The following CSMD1 variants were observed in gnomAD, a reference collection of about 807,000 sequenced individuals.
CSMD1 encodes CUB and sushi domain-containing protein 1.
A neutral mutation model predicts 417.5 loss-of-function variants in CSMD1; 213 were observed. The ratio of observed to expected loss-of-function variants is 0.51; its 90% CI spans 0.46 to 0.57. CSMD1 has a LOEUF of 0.57. CSMD1 is among the 20% of genes least tolerant of loss of function. The pLI is 0.00. For synonymous variants in CSMD1, 2,862 were observed against 1,736.8 expected (o/e 1.65, Z -16.11); for missense variants, 6,923 against 4,529.7 (o/e 1.53, Z -15.17).
intron 37 of CSMD1, among the ~76,000 whole-genome samples, chr8:3,162,756 C>A (rs1819978443): frequency 6.6e-6 from 1 of 151,660 alleles, no homozygotes; most frequent in Non-Finnish European, 1.5e-5. Flanking sequence ...CATTCAATCT[C>A]TCTCTCTCTT....
At chr8:4,108,873 T>C (rs11988265) in intron 3 of CSMD1, among the ~76,000 whole-genome samples, 5 of 152,196 alleles carry the variant, frequency 3.3e-5, no homozygotes, top group African/African-American at 1.2e-4. Context: ...TGCAAGAATT[T>C]GTCACTTTAG....
At chr8:4,697,542 G>C (rs1034724289) in intron 1 of CSMD1, among the ~76,000 whole-genome samples, 1 of 152,074 alleles carries the variant, frequency 6.6e-6, no homozygotes, top group Admixed American at 6.6e-5. Flanking sequence ...CTCAATTGGG[G>C]AATGTCGACG....
intron 1 of CSMD1, among the ~76,000 whole-genome samples, chr8:4,975,085 A>C (rs1285175745): frequency 1.3e-5 from 2 of 152,122 alleles, no homozygotes; most frequent in African/African-American, 4.8e-5. Context: ...TGCAATAAAC[A>C]TTTATCTACC....
chr8:4,213,692 G>C (rs10099864), intron 3 of CSMD1, among the ~76,000 whole-genome samples: 28,226 of 152,234 alleles, frequency 0.19, 2,706 homozygotes, highest in Non-Finnish European at 0.19. Flanking sequence ...GCCCTCCCTG[G>C]TGGGAAGCCG....
intron 2 of CSMD1, among the ~76,000 whole-genome samples, chr8:4,541,466 C>G (rs1328446359): frequency 6.6e-6 from 1 of 152,138 alleles, no homozygotes; most frequent in Non-Finnish European, 1.5e-5. Flanking sequence ...TATCAAAAAT[C>G]GGTAGGCGTC....
At chr8:3,081,540 G>T (rs1179816797) in intron 49 of CSMD1, among the ~76,000 whole-genome samples, 1 of 152,056 alleles carries the variant, frequency 6.6e-6, no homozygotes, top group Non-Finnish European at 1.5e-5. Flanking sequence ...TAAGTTGGAC[G>T]TGGAAGTCTT....
In CSMD1 at chr8:4,772,478, G is replaced by A. The variant is rs961802123; in HGVS notation, c.86-134920C>T. On this transcript the variant is annotated intron_variant, in intron 1 of 69. Coordinates refer to ENST00000635120, the MANE Select transcript of CSMD1 (RefSeq NM_033225.6). ...ATATCATGAGCGTCATCCGGTCATG[G>A]AGCAAAACATAATATAACATTCACA... Among the ~76,000 whole-genome samples, 5 of 152,238 alleles carry A rather than the reference G, an allele frequency of 3.3e-5. 1 individual carries two copies. Among genetic ancestry groups the A allele is most frequent in the Admixed American group, 3.3e-4 (5 of 15,286 alleles).
At chr8:3,964,425 G>A (rs929809190) in intron 5 of CSMD1, among the ~76,000 whole-genome samples, 3 of 151,990 alleles carry the variant, frequency 2.0e-5, no homozygotes, top group African/African-American at 4.8e-5. Context: ...TTTTGACTGA[G>A]GCCTTAATCA....
At position 2,966,740 on chromosome 8, in the gene CSMD1, G is replaced by T; in HGVS notation, c.8930C>A (p.Ser2977Tyr). The T allele has an allele frequency of 6.2e-7, 1 of 1,613,122 alleles. No individual in the cohort carries two copies. Among genetic ancestry groups the T allele is most frequent in the Non-Finnish European group, 8.5e-7 (1 of 1,179,570 alleles). The change falls in exon 58 of 70, where the codon TCC becomes TAC. Residue 2977 changes from serine to tyrosine, a missense_variant. Coordinates refer to ENST00000635120, the MANE Select transcript of CSMD1 (RefSeq NM_033225.6). ...GGTGGGTGTGCCAGGGTTGCCACAG[G>T]ACACGGCTGTTAGGCAAACAAGAAC... ...SGLQPVCEAV[S>Y]CGNPGTPTNG... is the part of the protein sequence containing the mutation.
intron 1 of CSMD1, among the ~76,000 whole-genome samples, chr8:4,926,669 C>G (rs948631132): frequency 6.6e-6 from 1 of 152,092 alleles, no homozygotes; most frequent in South Asian, 2.1e-4. Flanking sequence ...GACCAGTATT[C>G]TTCTGGGCTT....
At chr8:4,078,901 AT>A (rs1799975074) in intron 3 of CSMD1, among the ~76,000 whole-genome samples, 15 of 18,324 alleles carry the variant, frequency 8.2e-4, no homozygotes, top group East Asian at 3.1e-3. Context: ...TAATAAATAT[AT>A]ATATATATAT....
intron 1 of CSMD1, among the ~76,000 whole-genome samples, chr8:4,710,030 G>A (rs1332822364): frequency 6.6e-6 from 1 of 152,064 alleles, no homozygotes; most frequent in African/African-American, 2.4e-5. Flanking sequence ...GTTCAAATAG[G>A]CCACTAAGCT....
chr8:3,196,486 C>T (rs1185520933), intron 33 of CSMD1, among the ~76,000 whole-genome samples: 1 of 152,154 alleles, frequency 6.6e-6, no homozygotes, highest in African/African-American at 2.4e-5. Context: ...ATCCAAGAAC[C>T]TCTCTTGGGG....
At chr8:4,271,258 C>A (rs1196437736) in intron 3 of CSMD1, among the ~76,000 whole-genome samples, 1 of 152,104 alleles carries the variant, frequency 6.6e-6, no homozygotes, top group East Asian at 1.9e-4. Flanking sequence ...CACTCAGGAC[C>A]ATGAAGCTGT....
intron 1 of CSMD1, among the ~76,000 whole-genome samples, chr8:4,645,627 T>C (rs891663022): frequency 7.2e-5 from 11 of 151,942 alleles, no homozygotes; most frequent in Non-Finnish European, 1.3e-4. Flanking sequence ...AATTGTAGAC[T>C]GGCAAAAAGA....
chr8:3,846,331 C>T (rs1177442538), intron 5 of CSMD1, among the ~76,000 whole-genome samples: 3 of 152,166 alleles, frequency 2.0e-5, no homozygotes, highest in Non-Finnish European at 2.9e-5. Context: ...ATCCAACCAC[C>T]TTTATTTACA....
At chr8:2,991,897 C>T (rs548908424) in intron 54 of CSMD1, among the ~76,000 whole-genome samples, 50 of 152,244 alleles carry the variant, frequency 3.3e-4, no homozygotes, top group African/African-American at 1.1e-3. Flanking sequence ...CAGGAAATTT[C>T]GTTTAAGAAG....
chr8:4,149,679 G>A (rs1796464014), intron 3 of CSMD1, among the ~76,000 whole-genome samples: 1 of 152,192 alleles, frequency 6.6e-6, no homozygotes, highest in South Asian at 2.1e-4. Flanking sequence ...CTACACTGAA[G>A]GAATAAACAA....
intron 1 of CSMD1, among the ~76,000 whole-genome samples, chr8:4,988,068 G>C (rs1811271803): frequency 6.6e-6 from 1 of 152,014 alleles, no homozygotes; most frequent in South Asian, 2.1e-4. Flanking sequence ...TATCCTATTT[G>C]TTCTGTCCCT....
Sources: gnomAD v4.1 joint callset for allele counts (sites outside exome capture counted in the v4.1 genomes callset) on GRCh38, gnomAD v4.1.1 for gene constraint, MANE v1.5 for transcripts, NCBI Gene and HGNC (gene_info 2026-07-23, HGNC 2026-07-21) for gene names.